Variants in DENND1A observed in about 807,000 individuals in gnomAD.
DENND1A encodes DENN domain-containing protein 1A.
Under a neutral mutation model 113.7 loss-of-function variants are expected in DENND1A, and 51 were observed. That is an observed-to-expected ratio of 0.45 (90% CI 0.36 to 0.57). The LOEUF is 0.57. Ranked by LOEUF, DENND1A falls within the 20% of genes least tolerant of loss-of-function variation. DENND1A has a pLI of 0.00. For missense variants in DENND1A, 1,258 were observed against 1,395.9 expected (o/e 0.90, Z 1.57); for synonymous variants, 565 against 570.8 (o/e 0.99, Z 0.14).
At chr9:123,805,437 A>ATT (rs569118785) in intron 2 of DENND1A, among the ~76,000 whole-genome samples, 88 of 145,912 alleles carry the variant, frequency 6.0e-4, no homozygotes, top group East Asian at 1.8e-3. Flanking sequence ...AATTTATACA[A>ATT]TTTTTTTTTT....
chr9:123,732,076 G>A (rs1008087194), intron 5 of DENND1A, among the ~76,000 whole-genome samples: 9 of 152,326 alleles, frequency 5.9e-5, no homozygotes, highest in Admixed American at 5.9e-4. Context: ...CTGGAACTCT[G>A]ACACCTTGCT....
In DENND1A at chr9:123,821,224, AT is replaced by A. The variant is rs140625126; in HGVS notation, c.89-28595del. 1.1e-4 allele frequency among the ~76,000 whole-genome samples: 17 copies of A among 152,352 alleles called. No individual in the cohort carries two copies. In the East Asian group the frequency reaches 2.7e-3, roughly 24 times the overall value. ...TTCATCTCAAATTCATCAGAAAAAAATATGCAGTATTCTCTTACATATAAAT... is the reference window on the plus strand; with the variant it reads ...TTCATCTCAAATTCATCAGAAAAAAAATGCAGTATTCTCTTACATATAAAT... On this transcript the variant is annotated intron_variant, in intron 2 of 23. Transcript: ENST00000394215.
At chr9:123,597,387 A>G (rs1366584855) in intron 11 of DENND1A, among the ~76,000 whole-genome samples, 1 of 152,170 alleles carries the variant, frequency 6.6e-6, no homozygotes, top group Admixed American at 6.5e-5. Flanking sequence ...AACAAACTAC[A>G]GGGGGTCTTA....
At chr9:123,851,840 C>A (rs1165660915) in intron 2 of DENND1A, among the ~76,000 whole-genome samples, 3 of 152,180 alleles carry the variant, frequency 2.0e-5, no homozygotes, top group African/African-American at 7.2e-5. Context: ...ACTCACTAAA[C>A]TTTACAGACC....
At chr9:123,827,972 C>T (rs1839617584) in intron 2 of DENND1A, among the ~76,000 whole-genome samples, 1 of 152,056 alleles carries the variant, frequency 6.6e-6, no homozygotes, top group South Asian at 2.1e-4. Flanking sequence ...GAATATACAA[C>T]AATTGGCACT....
At chr9:123,752,886 T>C (rs1357233224) in intron 5 of DENND1A, among the ~76,000 whole-genome samples, 1 of 152,244 alleles carries the variant, frequency 6.6e-6, no homozygotes, top group African/African-American at 2.4e-5. Flanking sequence ...ACTACTGTTC[T>C]CCTAGCTGGT....
chr9:123,610,867 A>G (rs573962013), intron 10 of DENND1A, among the ~76,000 whole-genome samples: 1 of 152,374 alleles, frequency 6.6e-6, no homozygotes, highest in South Asian at 2.1e-4. Context: ...ATGGATAGGC[A>G]AGGGAGGTTT....
chr9:123,671,264 T>C (rs2063748907), intron 7 of DENND1A, 27 bp downstream of exon 7: 2 of 1,613,054 alleles, frequency 1.2e-6, no homozygotes, highest in Non-Finnish European at 1.7e-6. Flanking sequence ...GCGTTTTCAG[T>C]GATGGCTAAT....
chr9:123,588,719 C>T (rs1362835235), intron 11 of DENND1A, among the ~76,000 whole-genome samples: 1 of 150,326 alleles, frequency 6.7e-6, no homozygotes, highest in Non-Finnish European at 1.5e-5. Context: ...GGTCTATTTC[C>T]TTCCATATTC....
rs2057089911 is a variant in DENND1A, at chr9:123,552,018, C to CGAGAGAGAGAGAGAGAGACAGAGAGAGA, written c.993+5551_993+5552insTCTCTCTCTGTCTCTCTCTCTCTCTCTC. 3.0e-4 allele frequency among the ~76,000 whole-genome samples: 35 copies of CGAGAGAGAGAGAGAGAGACAGAGAGAGA among 118,620 alleles called. 2 individuals carry two copies. Among genetic ancestry groups the CGAGAGAGAGAGAGAGAGACAGAGAGAGA allele is most frequent in the East Asian group, 1.8e-3 (8 of 4,336 alleles). The allele number at this position is 118,620 out of a possible 152,430, so 77.8% of individuals were successfully genotyped here. On this transcript the variant is annotated intron_variant, in intron 13 of 23. Coordinates refer to ENST00000394215, the MANE Select transcript of DENND1A (RefSeq NM_001352964.2). ...GAGAGAGAGCGAGAGAGAGCGAGAG[C>CGAGAGAGAGAGAGAGAGACAGAGAGAGA]GAGAGAGAGAGAGAGAGAGACAGAG...
intron 2 of DENND1A, 115 bp from the exon 3 acceptor site, chr9:123,792,745 G>A: frequency 9.2e-7 from 1 of 1,081,360 alleles, no homozygotes; most frequent in Non-Finnish European, 1.4e-6. Flanking sequence ...ATCCAAGGGG[G>A]GCAGCTGAGG....
intron 3 of DENND1A, among the ~76,000 whole-genome samples, chr9:123,786,033 T>C (rs530852318): frequency 6.6e-5 from 10 of 151,992 alleles, no homozygotes; most frequent in Non-Finnish European, 1.2e-4. Context: ...GTCAACATGA[T>C]GAAACCCCAT....
chr9:123,502,245 ATATATC>A lies in DENND1A; in HGVS notation c.994-44354_994-44349del, dbSNP rs71390439. On this transcript the variant is annotated intron_variant, in intron 13 of 23. Transcript: ENST00000394215. ...GAACCCTGACTATAATACAGGCTCCATATATCTATATCTATATCTACATCTATATCT... is the reference window on the plus strand; with the variant it reads ...GAACCCTGACTATAATACAGGCTCCATATATCTATATCTACATCTATATCT... 6.8e-3 allele frequency among the ~76,000 whole-genome samples: 1,040 copies of A among 152,072 alleles called. 9 individuals are homozygous for A. Among genetic ancestry groups the A allele is most frequent in the Middle Eastern group, 0.014 (4 of 292 alleles).
At chr9:123,423,363 T>TTACG (rs755689678) in intron 19 of DENND1A, among the ~76,000 whole-genome samples, 11 of 152,292 alleles carry the variant, frequency 7.2e-5, no homozygotes, top group Middle Eastern at 3.4e-3. Context: ...GTACAACCCA[T>TTACG]TACGTCCTGC....
At chr9:123,838,450 T>C (rs1250048322) in intron 2 of DENND1A, among the ~76,000 whole-genome samples, 1 of 146,508 alleles carries the variant, frequency 6.8e-6, no homozygotes, top group Non-Finnish European at 1.5e-5. Context: ...CTTTGCTCCA[T>C]TTCAATACTC....
At chr9:123,592,018 C>T (rs1018013565) in intron 11 of DENND1A, among the ~76,000 whole-genome samples, 5 of 152,208 alleles carry the variant, frequency 3.3e-5, no homozygotes. Flanking sequence ...AAGTTCTTTA[C>T]TTCTGAGCCT....
intron 2 of DENND1A, among the ~76,000 whole-genome samples, chr9:123,805,326 T>C (rs1038617861): frequency 1.3e-5 from 2 of 152,220 alleles, no homozygotes; most frequent in Admixed American, 6.5e-5. Flanking sequence ...TTTCAGATTT[T>C]GTAATATTTC....
intron 5 of DENND1A, among the ~76,000 whole-genome samples, chr9:123,746,085 G>C (rs1336599676): frequency 1.3e-5 from 2 of 152,124 alleles, no homozygotes. Flanking sequence ...GATTACATGG[G>C]TATTTGCTGT....
At chr9:123,785,678 G>A (rs1024823054) in intron 3 of DENND1A, among the ~76,000 whole-genome samples, 1 of 152,202 alleles carries the variant, frequency 6.6e-6, no homozygotes, top group Non-Finnish European at 1.5e-5. Flanking sequence ...TACATTTGGT[G>A]GCATTCACAA....
Sources: allele counts gnomAD v4.1 joint callset (sites outside exome capture counted in the v4.1 genomes callset), GRCh38; gene constraint gnomAD v4.1.1; transcripts MANE v1.5; gene names NCBI Gene and HGNC (gene_info 2026-07-23, HGNC 2026-07-21).